The following ADARB2 variants were observed in gnomAD, a reference collection of about 807,000 sequenced individuals.
The protein encoded by ADARB2 is inactive double-stranded RNA-specific editase B2.
ADARB2 carries 25 observed loss-of-function variants against 62.2 expected under a neutral mutation model. The ratio of observed to expected loss-of-function variants is 0.40; its 90% CI spans 0.29 to 0.56. ADARB2 has a LOEUF of 0.56. Among genes scored for constraint, ADARB2 ranks in the 20% least tolerant of loss-of-function variants. The pLI is 0.43. For synonymous variants in ADARB2, 572 were observed against 500.8 expected (o/e 1.14, Z -1.90); for missense variants, 1,071 against 1,077.4 (o/e 0.99, Z 0.08).
In ADARB2 at chr10:1,478,653, A is replaced by T. The variant is rs192424948; in HGVS notation, c.101-99493T>A. On this transcript the variant is annotated intron_variant, in intron 1 of 9. Coordinates refer to ENST00000381312, the MANE Select transcript of ADARB2 (RefSeq NM_018702.4). The stretch of plus-strand genomic sequence containing the variant: ...AAGGACCCTCGGACGGGAGAGCACC[A>T]AAACAAGGACCCTCGGACGGGAGAG... 4.0e-4 allele frequency among the ~76,000 whole-genome samples: 60 copies of T among 151,658 alleles called. 1 individual carries two copies. The highest frequency in any genetic ancestry group is 1.4e-3 in the African/African-American group (57 of 41,428).
intron 7 of ADARB2, among the ~76,000 whole-genome samples, chr10:1,205,695 C>T (rs990416885): frequency 1.3e-5 from 2 of 152,276 alleles, no homozygotes; most frequent in Non-Finnish European, 2.9e-5. Flanking sequence ...CCTCACCAGA[C>T]GCGGAAACTG....
At chr10:1,727,807 T>A (rs971885378) in intron 1 of ADARB2, among the ~76,000 whole-genome samples, 18 of 152,298 alleles carry the variant, frequency 1.2e-4, no homozygotes, top group African/African-American at 4.1e-4. Context: ...CCGCGTCCAC[T>A]CCTTTTGCTC....
intron 1 of ADARB2, among the ~76,000 whole-genome samples, chr10:1,517,440 G>GT (rs1832020088): frequency 6.6e-6 from 1 of 152,222 alleles, no homozygotes; most frequent in Non-Finnish European, 1.5e-5. Flanking sequence ...CTACTAGGTA[G>GT]TAAGCCTAGA....
At chr10:1,494,936 G>T (rs1051656059) in intron 1 of ADARB2, among the ~76,000 whole-genome samples, 4 of 152,048 alleles carry the variant, frequency 2.6e-5, no homozygotes, top group African/African-American at 9.7e-5. Context: ...GCTATCTCTT[G>T]CTAAAAACAT....
At chr10:1,389,042 T>C (rs1832547433) in intron 1 of ADARB2, among the ~76,000 whole-genome samples, 1 of 152,198 alleles carries the variant, frequency 6.6e-6, no homozygotes. Context: ...AGCAAGTTGA[T>C]GAAGAAAGTC....
chr10:1,229,178 T>G (rs910690666), intron 6 of ADARB2, among the ~76,000 whole-genome samples: 5 of 152,228 alleles, frequency 3.3e-5, no homozygotes, highest in Non-Finnish European at 7.3e-5. Context: ...ATGGGGAATT[T>G]ATGATCTAGA....
intron 1 of ADARB2, among the ~76,000 whole-genome samples, chr10:1,386,133 C>T (rs927515844): frequency 6.6e-6 from 1 of 151,880 alleles, no homozygotes; most frequent in Non-Finnish European, 1.5e-5. Flanking sequence ...GTTAAACATG[C>T]ATGCTTTAAT....
intron 6 of ADARB2, among the ~76,000 whole-genome samples, chr10:1,218,021 T>C (rs1830647620): frequency 6.6e-6 from 1 of 151,940 alleles, no homozygotes; most frequent in African/African-American, 2.4e-5. Flanking sequence ...TAAATTTATG[T>C]TTCTCTTTCT....
Position 1,597,576 on chromosome 10 carries a change from G to A in ADARB2, c.100+139475C>T, listed in dbSNP as rs192952243. Among the ~76,000 whole-genome samples, 173 of 152,238 alleles carry A rather than the reference G, an allele frequency of 1.1e-3. 2 individuals are homozygous for A. In the East Asian group the frequency reaches 0.025, roughly 22 times the overall value. ...CAAATTAAAACCACAATGGGACATC[G>A]TCTCACACCAGTCAGAATGGCAGTT... On this transcript the variant is annotated intron_variant, in intron 1 of 9. Transcript: ENST00000381312.
In ADARB2 at chr10:1,412,765, G is replaced by A. The variant is rs891043723; in HGVS notation, c.101-33605C>T. Among the ~76,000 whole-genome samples the A allele has an allele frequency of 5.9e-5, 9 of 152,214 alleles. No individual in the cohort carries two copies. The East Asian group carries it at 9.7e-4, about 16-fold the overall frequency. ...CACGGCTTTCGGGGCTCATCCTCCC[G>A]CACCACCTGTGGGAAGCTACGTTGC... On this transcript the variant is annotated intron_variant, in intron 1 of 9. Transcript: ENST00000381312.
intron 1 of ADARB2, among the ~76,000 whole-genome samples, chr10:1,484,293 T>C (rs924481835): frequency 6.6e-6 from 1 of 152,204 alleles, no homozygotes; most frequent in Admixed American, 6.5e-5. Flanking sequence ...GGGCACACAA[T>C]TTTCTTTAAA....
intron 3 of ADARB2, among the ~76,000 whole-genome samples, chr10:1,327,878 C>T (rs1427338127): frequency 2.4e-5 from 3 of 122,752 alleles, no homozygotes; most frequent in Admixed American, 2.4e-4. Flanking sequence ...CCTCACAGCT[C>T]AGCGCCTCCT....
chr10:1,465,791 G>T (rs1028975111), intron 1 of ADARB2, among the ~76,000 whole-genome samples: 1 of 152,142 alleles, frequency 6.6e-6, no homozygotes, highest in African/African-American at 2.4e-5. Flanking sequence ...TCCCACCCCC[G>T]CCCGAAGAGT....
chr10:1,498,363 G>A (rs982627042), intron 1 of ADARB2, among the ~76,000 whole-genome samples: 1 of 147,184 alleles, frequency 6.8e-6, no homozygotes, highest in Non-Finnish European at 1.5e-5. Flanking sequence ...CAACAAGAGT[G>A]AAACTCTGTC....
At chr10:1,369,451 A>G (rs10794746) in intron 2 of ADARB2, among the ~76,000 whole-genome samples, 126,176 of 151,968 alleles carry the variant, frequency 0.83, 56,481 homozygotes, top group Non-Finnish European at 0.98. Context: ...TACCCCCTGG[A>G]TTGTGTCCCA....
chr10:1,242,428 G>T, intron 4 of ADARB2, 129 bp from the exon 5 acceptor site: 8 of 1,252,522 alleles, frequency 6.4e-6, no homozygotes, highest in Non-Finnish European at 8.6e-6. Flanking sequence ...CGTTTTGAGA[G>T]CTGGGAAGCG....
intron 1 of ADARB2, among the ~76,000 whole-genome samples, chr10:1,411,996 A>C (rs139298345): frequency 4.1e-4 from 62 of 152,344 alleles, no homozygotes; most frequent in African/African-American, 1.4e-3. Context: ...TGAGAGGAGC[A>C]GAGAGGCCTG....
intron 1 of ADARB2, among the ~76,000 whole-genome samples, chr10:1,476,659 T>C (rs935822588): frequency 1.2e-4 from 18 of 152,166 alleles, no homozygotes; most frequent in African/African-American, 4.1e-4. Flanking sequence ...CTGACCGCCG[T>C]TTCCATGGCA....
At chr10:1,360,191 C>G (rs1360431755) in intron 3 of ADARB2, among the ~76,000 whole-genome samples, 1 of 152,260 alleles carries the variant, frequency 6.6e-6, no homozygotes, top group Non-Finnish European at 1.5e-5. Context: ...CTGCATCGTC[C>G]CAGCAGGAGG....
Sources: allele counts gnomAD v4.1 joint callset (sites outside exome capture counted in the v4.1 genomes callset), GRCh38; gene constraint gnomAD v4.1.1; transcripts MANE v1.5; gene names NCBI Gene and HGNC (gene_info 2026-07-23, HGNC 2026-07-21).